The following SHLD2 variants were observed in gnomAD, a reference collection of about 807,000 sequenced individuals.
SHLD2 encodes RINN1-REV7-interacting novel NHEJ regulator 2.
In SHLD2, 30 loss-of-function variants were observed where a neutral mutation model predicts 73.2. The ratio of observed to expected loss-of-function variants is 0.41; its 90% CI spans 0.31 to 0.56. SHLD2 has a LOEUF of 0.56. Ranked by LOEUF, SHLD2 falls within the 20% of genes least tolerant of loss-of-function variation. The pLI is 0.28. For synonymous variants in SHLD2, 285 were observed against 370.1 expected, an observed-to-expected ratio of 0.77 and a Z score of 2.64; for missense variants, 745 against 1,055.9, an observed-to-expected ratio of 0.71 and a Z score of 4.08.
In SHLD2 at chr10:87,182,191, A is replaced by G. The variant is rs909429576; in HGVS notation, c.2399+1888A>G. 2.6e-5 allele frequency among the ~76,000 whole-genome samples: 4 copies of G among 152,206 alleles called. No homozygotes were observed. The South Asian group carries it at 6.2e-4, about 24-fold the overall frequency. On this transcript the variant is annotated intron_variant, in intron 8 of 9. Coordinates refer to ENST00000298786, the MANE Select transcript of SHLD2 (RefSeq NM_001330112.2). ...ACTCCAAAATCATCTACATAAATCA[A>G]TCAGCAAACTGAATAAGAGAAAACT...
chr10:87,096,255 G>T (rs1177466379), intron 1 of SHLD2, among the ~76,000 whole-genome samples: 1 of 152,164 alleles, frequency 6.6e-6, no homozygotes, highest in East Asian at 2.0e-4. Flanking sequence ...GTGCTGGCCA[G>T]GCTGGTCTCC....
chr10:87,118,129 A>C, intron 2 of SHLD2, among the ~76,000 whole-genome samples: 1 of 152,196 alleles, frequency 6.6e-6, no homozygotes, highest in South Asian at 2.1e-4. Context: ...TTTAAGTTAC[A>C]CTGCTAAGCT....
intron 2 of SHLD2, among the ~76,000 whole-genome samples, chr10:87,125,755 CAATAAA>C (rs1843957673): frequency 6.7e-6 from 1 of 149,278 alleles, no homozygotes; most frequent in Admixed American, 6.7e-5. Flanking sequence ...AATAAATAAA[CAATAAA>C]AATAAAAATA....
At chr10:87,120,250 A>AT (rs1169348965) in intron 2 of SHLD2, among the ~76,000 whole-genome samples, 89 of 148,462 alleles carry the variant, frequency 6.0e-4, no homozygotes, top group African/African-American at 2.3e-3. Context: ...TTATTTATTT[A>AT]TTTATTTATT....
upstream of SHLD2, chr10:87,094,532 T>C: frequency 6.2e-7 from 1 of 1,612,716 alleles, no homozygotes. This position sits in a 1 kb window ranked among gnomAD's most constrained non-coding sequence, Gnocchi z 6.6. Context: ...TCCTCCACGA[T>C]GCTGGCGCCG....
intron 2 of SHLD2, among the ~76,000 whole-genome samples, chr10:87,129,839 C>T (rs1370632019): frequency 7.9e-5 from 12 of 151,790 alleles, no homozygotes; most frequent in Non-Finnish European, 1.3e-4. Context: ...AGACTGGTCT[C>T]GAACTCTTAA....
chr10:87,190,423 T>C, intron 9 of SHLD2, 61 bp from the exon 10 acceptor site: 18 of 1,312,718 alleles, frequency 1.4e-5, no homozygotes, highest in Non-Finnish European at 2.0e-5. Flanking sequence ...AACCATTCAA[T>C]GTGTGTGCTC....
rs1377879018 is a variant in SHLD2, at chr10:87,151,774, G to A, written c.420G>A (p.Lys140=). 9 of 1,611,824 alleles carry A rather than the reference G, an allele frequency of 5.6e-6. No homozygotes were observed. Among genetic ancestry groups the A allele is most frequent in the Non-Finnish European group, 7.6e-6 (9 of 1,179,850 alleles). The change falls in exon 3 of 10, where the codon AAG becomes AAA. Residue 140 remains lysine, a synonymous_variant. Coordinates refer to ENST00000298786, the MANE Select transcript of SHLD2 (RefSeq NM_001330112.2). ...TCACCGAAGAAGAAAAGTATCAAAA[G>A]CTTCTCAGTGAAAATAAAATTAGAG... is the stretch of plus-strand genomic sequence containing the variant. ...PHFTEEEKYQ[K]LLSENKIRDE...
intron 2 of SHLD2, among the ~76,000 whole-genome samples, chr10:87,131,953 C>A (rs1844460396): frequency 6.6e-6 from 1 of 152,090 alleles, no homozygotes; most frequent in Non-Finnish European, 1.5e-5. Flanking sequence ...ATTTGCATTT[C>A]CCCAGTAACT....
At chr10:87,116,767 CCTT>C (rs529226473) in intron 2 of SHLD2, among the ~76,000 whole-genome samples, 56 of 152,270 alleles carry the variant, frequency 3.7e-4, no homozygotes, top group African/African-American at 1.3e-3. Context: ...ATGATCTCCT[CCTT>C]CTCTCAGGGC....
At position 87,190,607 on chromosome 10, in the gene SHLD2, A is replaced by G. The variant is rs1388101504; in HGVS notation, c.2639A>G (p.Tyr880Cys). 1 of 1,611,980 alleles carries G rather than the reference A, an allele frequency of 6.2e-7. No homozygotes were observed. Among genetic ancestry groups the G allele is most frequent in the East Asian group, 2.2e-5 (1 of 44,892 alleles). ...QSLFVLDENS[Y>C]PLQQDFSLLD... Reference sequence around the variant, plus strand: ...CTTTTTGTGTTAGATGAAAACAGCTATCCATTACAACAAGATTTCTCCCTC... The same window carrying G: ...CTTTTTGTGTTAGATGAAAACAGCTGTCCATTACAACAAGATTTCTCCCTC... Residue 880 changes from tyrosine (Y) to cysteine (C), a missense_variant, in exon 10 of 10, where the codon TAT becomes TGT. Physicochemically the swap from Tyr to Cys is radical, Grantham distance 194. This residue lies in a region of SHLD2 where 418 missense variants were observed against 567.8 expected (regional missense o/e 0.74). Coordinates refer to ENST00000298786, the MANE Select transcript of SHLD2 (RefSeq NM_001330112.2).
upstream of SHLD2, chr10:87,094,971 G>T (rs1275810651): frequency 1.3e-5 from 3 of 228,850 alleles, no homozygotes; most frequent in Non-Finnish European, 2.5e-5. This position sits in a 1 kb window ranked among gnomAD's most constrained non-coding sequence, Gnocchi z 6.6. Flanking sequence ...CCAGGGCGCC[G>T]GGCCTCCGCC....
Position 87,112,237 on chromosome 10 carries a change from C to CA in SHLD2, c.-6+15262dup, listed in dbSNP as rs55667104. The stretch of plus-strand genomic sequence containing the variant: ...TGGGCGACAGAGCGAGACTCCGTCT[C>CA]AAAAAAAAAAAAAAGGGCAAAGAAT... On this transcript the variant is annotated intron_variant, in intron 2 of 9. Coordinates refer to ENST00000298786, the MANE Select transcript of SHLD2 (RefSeq NM_001330112.2). Among the ~76,000 whole-genome samples, 927 of 109,456 alleles carry CA rather than the reference C, an allele frequency of 8.5e-3. 9 individuals carry two copies. The highest frequency in any genetic ancestry group is 0.024 in the African/African-American group (726 of 30,766). 71.8% of individuals were successfully genotyped at this position (109,456 alleles called of 152,430 possible).
chr10:87,187,349 A>G (rs1176142704), intron 9 of SHLD2, 149 bp downstream of exon 9: 5 of 621,044 alleles, frequency 8.1e-6, no homozygotes, highest in Non-Finnish European at 1.2e-5. Context: ...ATATAAGCCT[A>G]TGTAAGTTAG....
chr10:87,160,177 C>A (rs1285492365), intron 4 of SHLD2, among the ~76,000 whole-genome samples: 1 of 151,912 alleles, frequency 6.6e-6, no homozygotes, highest in South Asian at 2.1e-4. Flanking sequence ...AGGATACTTT[C>A]CCTTTCAGTA....
chr10:87,140,916 C>A (rs1027658625), intron 2 of SHLD2, among the ~76,000 whole-genome samples: 1 of 151,942 alleles, frequency 6.6e-6, no homozygotes, highest in Non-Finnish European at 1.5e-5. Flanking sequence ...GTCAAGGCTG[C>A]GGTAAGCCAT....
At chr10:87,115,178 T>C (rs995986739) in intron 2 of SHLD2, among the ~76,000 whole-genome samples, 18 of 151,994 alleles carry the variant, frequency 1.2e-4, no homozygotes, top group Non-Finnish European at 1.5e-5. Context: ...GCCTCCAGAG[T>C]AGCTGGTATT....
At chr10:87,154,611 C>A (rs1228054131) in intron 3 of SHLD2, among the ~76,000 whole-genome samples, 3 of 151,750 alleles carry the variant, frequency 2.0e-5, no homozygotes, top group Admixed American at 6.6e-5. Context: ...GAACTCCTGT[C>A]CTCAGGTGAT....
At chr10:87,132,231 A>AT in intron 2 of SHLD2, among the ~76,000 whole-genome samples, 2 of 152,188 alleles carry the variant, frequency 1.3e-5, no homozygotes, top group Admixed American at 6.5e-5. Context: ...ATGATGTCAG[A>AT]ATTGGTGTCA....
Sources: gnomAD v4.1 joint callset for allele counts (sites outside exome capture counted in the v4.1 genomes callset) on GRCh38, gnomAD v4.1.1 for gene constraint, gnomAD v4.1.1 regional missense constraint, Gnocchi (gnomAD v3.1) non-coding constraint, MANE v1.5 for transcripts, NCBI Gene and HGNC (gene_info 2026-07-23, HGNC 2026-07-21) for gene names.